Variants in ANXA8 observed in about 807,000 individuals in gnomAD.
ANXA8 encodes annexin A8.
ANXA8 carries 9 observed loss-of-function variants against 26.8 expected under a neutral mutation model. The ratio of observed to expected loss-of-function variants is 0.34; its 90% CI spans 0.20 to 0.59. The LOEUF (loss-of-function observed/expected upper bound fraction) is 0.59, where lower values mean the gene tolerates loss of function less well. Ranked by LOEUF, ANXA8 falls within the 20% of genes least tolerant of loss-of-function variation. The pLI is 0.84. For missense variants in ANXA8, 83 were observed against 238.5 expected (o/e 0.35, Z 4.29); for synonymous variants, 39 against 94.8 (o/e 0.41, Z 3.42).
chr10:47,554,432 A>C, the ANXA8 span, among the ~76,000 whole-genome samples: 1 of 151,036 alleles, frequency 6.6e-6, no homozygotes, highest in Non-Finnish European at 1.5e-5. Context: ...CTCCCGGGAA[A>C]GGGGCTTTCC....
intron 11 of ANXA8, 24 bp from the exon 12 acceptor site, chr10:47,468,930 G>T (rs1205128923): frequency 3.1e-6 from 5 of 1,609,564 alleles, no homozygotes; most frequent in Non-Finnish European, 4.2e-6. Flanking sequence ...GCGCATAAGC[G>T]TGAGAAGGGG....
the ANXA8 span, among the ~76,000 whole-genome samples, chr10:47,672,763 T>G: frequency 6.7e-6 from 1 of 148,754 alleles, no homozygotes; most frequent in African/African-American, 2.5e-5. Context: ...GAGACCTTAA[T>G]GTACTGAGGG....
At chr10:47,942,573 A>G in the ANXA8 span, among the ~76,000 whole-genome samples, 1 of 141,906 alleles carries the variant, frequency 7.0e-6, no homozygotes, top group Non-Finnish European at 1.5e-5. Context: ...GTCATGGTTA[A>G]GAGATGAGAA....
chr10:47,525,552 T>C, the ANXA8 span, among the ~76,000 whole-genome samples: 9 of 135,432 alleles, frequency 6.6e-5, no homozygotes, highest in South Asian at 4.8e-4. Context: ...GGATTATAAT[T>C]CATGATGATA....
chr10:47,970,959 C>A, the ANXA8 span, among the ~76,000 whole-genome samples: 13 of 151,282 alleles, frequency 8.6e-5, no homozygotes, highest in Admixed American at 6.6e-5. Context: ...CCAGGAGTGG[C>A]CAGCAAGCAG....
At chr10:47,581,932 A>C in the ANXA8 span, among the ~76,000 whole-genome samples, 1 of 150,008 alleles carries the variant, frequency 6.7e-6, no homozygotes, top group African/African-American at 2.5e-5. Flanking sequence ...ATTAAAACCC[A>C]ACATATGCTA....
At chr10:47,726,581 TTAATA>T in the ANXA8 span, among the ~76,000 whole-genome samples, 1 of 152,276 alleles carries the variant, frequency 6.6e-6, no homozygotes, top group Admixed American at 6.5e-5. Context: ...ATAAAACAGT[TTAATA>T]TATTTTTATA....
the ANXA8 span, among the ~76,000 whole-genome samples, chr10:47,586,558 G>A: frequency 4.8e-5 from 7 of 145,594 alleles, 1 homozygote; most frequent in Admixed American, 4.7e-4. Flanking sequence ...TCAAAGTGGA[G>A]GGACTGGCCC....
the ANXA8 span, among the ~76,000 whole-genome samples, chr10:47,945,098 C>T: frequency 0.019 from 2,920 of 150,100 alleles, 74 homozygotes; most frequent in African/African-American, 0.069. Flanking sequence ...CTTGCTGACC[C>T]CCAAGACTGG....
At chr10:47,989,608 G>C in the ANXA8 span, among the ~76,000 whole-genome samples, 8 of 89,258 alleles carry the variant, frequency 9.0e-5, no homozygotes, top group African/African-American at 2.8e-4. Flanking sequence ...GGCTCCTGCA[G>C]GGTCTTGCCC....
At chr10:47,631,751 C>T in the ANXA8 span, among the ~76,000 whole-genome samples, 2 of 150,514 alleles carry the variant, frequency 1.3e-5, no homozygotes, top group East Asian at 3.9e-4. Context: ...GAGAATTCAT[C>T]CTGGCATTGA....
the ANXA8 span, among the ~76,000 whole-genome samples, chr10:47,591,605 G>A: frequency 7.6e-5 from 11 of 144,434 alleles, no homozygotes; most frequent in South Asian, 4.2e-4. Context: ...CACCAGGCCC[G>A]GCTAATTTTT....
At chr10:47,727,376 A>G in the ANXA8 span, among the ~76,000 whole-genome samples, 1 of 152,264 alleles carries the variant, frequency 6.6e-6, no homozygotes, top group Non-Finnish European at 1.5e-5. Flanking sequence ...CAGGTATTCA[A>G]ACTCCATTCC....
chr10:47,565,256 C>T, the ANXA8 span: 1 of 574,944 alleles, frequency 1.7e-6, no homozygotes, highest in Non-Finnish European at 3.1e-6. Context: ...GCCATGGCTG[C>T]CACCACCTAC....
chr10:47,665,620 A>C, the ANXA8 span, among the ~76,000 whole-genome samples: 1 of 149,568 alleles, frequency 6.7e-6, no homozygotes, highest in Non-Finnish European at 1.5e-5. Context: ...AGAACAAAGT[A>C]TTACACAATT....
chr10:47,488,787 T>G (rs1383974164), upstream of ANXA8, among the ~76,000 whole-genome samples: 295 of 131,662 alleles, frequency 2.2e-3, no homozygotes, highest in Non-Finnish European at 2.6e-3. Flanking sequence ...GAGTGCAGTG[T>G]CGCGATCTCG....
At chr10:47,611,192 TCAGA>T in the ANXA8 span, among the ~76,000 whole-genome samples, 1 of 40,302 alleles carries the variant, frequency 2.5e-5, no homozygotes, top group African/African-American at 1.1e-4. Context: ...ACATTTTGGG[TCAGA>T]CAATTATTTA....
chr10:47,960,754 C>A, the ANXA8 span, among the ~76,000 whole-genome samples: 2,737 of 145,438 alleles, frequency 0.019, 157 homozygotes, highest in African/African-American at 0.07. Context: ...TCATGCCCCC[C>A]CAACAGTGAT....
At chr10:47,665,872 T>G in the ANXA8 span, among the ~76,000 whole-genome samples, 4 of 151,810 alleles carry the variant, frequency 2.6e-5, no homozygotes, top group Non-Finnish European at 5.9e-5. Flanking sequence ...ATAACTCAAT[T>G]TGGAGAGCAC....
Sources: allele counts gnomAD v4.1 joint callset (sites outside exome capture counted in the v4.1 genomes callset), GRCh38; gene constraint gnomAD v4.1.1; transcripts MANE v1.5; gene names NCBI Gene and HGNC (gene_info 2026-07-23, HGNC 2026-07-21).